The following PRLR variants were observed in gnomAD, a reference collection of about 807,000 sequenced individuals.
The protein encoded by PRLR is prolactin receptor.
Under a neutral mutation model 40.2 loss-of-function variants are expected in PRLR, and 13 were observed. The observed-to-expected ratio is 0.32, with a 90% confidence interval of 0.21 to 0.51. The LOEUF (loss-of-function observed/expected upper bound fraction) is 0.51, where lower values mean the gene tolerates loss of function less well. Ranked by LOEUF, PRLR falls within the 20% of genes least tolerant of loss-of-function variation. The pLI is 0.97. For synonymous variants in PRLR, 269 were observed against 278.7 expected, an observed-to-expected ratio of 0.97 and a Z score of 0.35; for missense variants, 656 against 747.3, an observed-to-expected ratio of 0.88 and a Z score of 1.42.
intron 1 of PRLR, among the ~76,000 whole-genome samples, chr5:35,223,734 T>C (rs1175602437): frequency 2.6e-5 from 4 of 152,362 alleles, no homozygotes; most frequent in African/African-American, 9.6e-5. Flanking sequence ...GTTCTTTACA[T>C]GCTACCGGTC....
intron 5 of PRLR, among the ~76,000 whole-genome samples, chr5:35,075,965 C>T (rs1364315350): frequency 6.6e-6 from 1 of 152,228 alleles, no homozygotes; most frequent in African/African-American, 2.4e-5. Context: ...AACAGACCTG[C>T]AGCTGAGGGT....
intron 1 of PRLR, among the ~76,000 whole-genome samples, chr5:35,196,946 A>G (rs1231763239): frequency 6.6e-6 from 1 of 152,112 alleles, no homozygotes; most frequent in East Asian, 1.9e-4. Flanking sequence ...TGGTGGAAAA[A>G]GGTGAGAGAG....
intron 1 of PRLR, among the ~76,000 whole-genome samples, chr5:35,150,501 T>C (rs1303887878): frequency 6.6e-6 from 1 of 152,226 alleles, no homozygotes; most frequent in Non-Finnish European, 1.5e-5. Flanking sequence ...GTCAGACTAA[T>C]TATGCATGAT....
rs1579542461 is a variant in PRLR, at chr5:35,057,422, A to G, written c.*7667T>C. Reference sequence around the variant, plus strand: ...GCAAGAGTAGGTAAGGGAATTAAACATTTATTAAGCCAGGCACTGAGCTGG... The same window carrying G: ...GCAAGAGTAGGTAAGGGAATTAAACGTTTATTAAGCCAGGCACTGAGCTGG... On this transcript the variant is annotated 3_prime_UTR_variant, in exon 10 of 10. Transcript: ENST00000618457. The G allele has an allele frequency of 1.3e-5, 2 of 152,314 alleles. No homozygotes were observed. Among genetic ancestry groups the G allele is most frequent in the African/African-American group, 4.8e-5 (2 of 41,576 alleles). 9.4% of individuals were successfully genotyped at this position (152,314 alleles called of 1,614,324 possible). A position where few individuals can be genotyped will look rare whatever the true frequency, so the allele number is the denominator to read the frequency against.
intron 3 of PRLR, 91 bp downstream of exon 3, chr5:35,089,460 A>C: frequency 1.2e-6 from 1 of 866,598 alleles, no homozygotes; most frequent in South Asian, 1.5e-5. Context: ...TTCATTTTTC[A>C]TAATGGCATT....
At chr5:35,090,873 C>T (rs71615844) in intron 2 of PRLR, among the ~76,000 whole-genome samples, 8,334 of 136,876 alleles carry the variant, frequency 0.061, 307 homozygotes, top group Non-Finnish European at 0.089. Context: ...TGCAGTGGCG[C>T]GATCTGGGCT....
intron 1 of PRLR, among the ~76,000 whole-genome samples, chr5:35,128,048 C>T (rs1021953228): frequency 6.6e-6 from 1 of 151,968 alleles, no homozygotes; most frequent in Non-Finnish European, 1.5e-5. Context: ...GAGGTTAGGT[C>T]CAGATAAACT....
At chr5:35,140,882 C>T (rs184610733) in intron 1 of PRLR, among the ~76,000 whole-genome samples, 37 of 152,284 alleles carry the variant, frequency 2.4e-4, no homozygotes, top group Admixed American at 8.5e-4. Flanking sequence ...GTACAACCCT[C>T]ATTTTGCTTA....
Position 35,194,734 on chromosome 5 carries a change from A to T in PRLR, c.-106+35534T>A, listed in dbSNP as rs765437256. On this transcript the variant is annotated intron_variant, in intron 1 of 9. Coordinates refer to ENST00000618457, the MANE Select transcript of PRLR (RefSeq NM_000949.7). Reference sequence around the variant, plus strand: ...TCAGAAAAGACACAAGTATAGAGACAGTAAAAAGATCAGCAGTTGTCAGAG... The same window carrying T: ...TCAGAAAAGACACAAGTATAGAGACTGTAAAAAGATCAGCAGTTGTCAGAG... 9.8e-4 allele frequency among the ~76,000 whole-genome samples: 150 copies of T among 152,350 alleles called. 1 individual carries two copies. Among genetic ancestry groups the T allele is most frequent in the South Asian group, 1.0e-3 (5 of 4,822 alleles).
At chr5:35,078,021 A>T (rs1262766262) in intron 5 of PRLR, among the ~76,000 whole-genome samples, 1 of 152,226 alleles carries the variant, frequency 6.6e-6, no homozygotes, top group Non-Finnish European at 1.5e-5. Flanking sequence ...ACAAAGACAC[A>T]ACATACCAGA....
chr5:35,143,945 G>T (rs575425812), intron 1 of PRLR, among the ~76,000 whole-genome samples: 1 of 151,282 alleles, frequency 6.6e-6, no homozygotes, highest in Non-Finnish European at 1.5e-5. Flanking sequence ...TCATGGGCCC[G>T]ATCATAATTT....
At chr5:35,086,073 C>A in intron 4 of PRLR, 135 bp downstream of exon 4, 1 of 1,071,116 alleles carries the variant, frequency 9.3e-7, no homozygotes, top group Non-Finnish European at 1.4e-6. Context: ...GGACCTTAGA[C>A]TCCCCTTTCC....
At chr5:35,067,578 C>T (rs1169743061) in intron 9 of PRLR, among the ~76,000 whole-genome samples, 1 of 152,136 alleles carries the variant, frequency 6.6e-6, no homozygotes, top group African/African-American at 2.4e-5. Context: ...CAGCTAGTTG[C>T]TTTTATATAT....
downstream of PRLR, among the ~76,000 whole-genome samples, chr5:35,053,455 C>G (rs1768575711): frequency 6.6e-6 from 1 of 152,098 alleles, no homozygotes; most frequent in South Asian, 2.1e-4. Context: ...GAATTTGAGA[C>G]CAACCTGCAC....
intron 1 of PRLR, among the ~76,000 whole-genome samples, chr5:35,176,523 C>A (rs545642137): frequency 1.7e-4 from 26 of 152,296 alleles, no homozygotes; most frequent in African/African-American, 6.0e-4. Context: ...TACCCCCAAC[C>A]CCGTGCTCTC....
intron 2 of PRLR, among the ~76,000 whole-genome samples, chr5:35,092,223 C>T (rs935433958): frequency 2.6e-5 from 4 of 152,120 alleles, no homozygotes; most frequent in Non-Finnish European, 5.9e-5. Context: ...GAGACACATC[C>T]TGGAATCTAG....
intron 1 of PRLR, among the ~76,000 whole-genome samples, chr5:35,122,632 A>G (rs1338668130): frequency 6.6e-6 from 1 of 152,246 alleles, no homozygotes; most frequent in African/African-American, 2.4e-5. Flanking sequence ...AAATTGTCAG[A>G]TAAACTCAGA....
At chr5:35,133,318 A>T (rs942325024) in intron 1 of PRLR, among the ~76,000 whole-genome samples, 2 of 151,814 alleles carry the variant, frequency 1.3e-5, no homozygotes, top group Admixed American at 6.6e-5. Flanking sequence ...ATCTCCTCTC[A>T]TGTATACCTA....
downstream of PRLR, among the ~76,000 whole-genome samples, chr5:35,054,918 G>A (rs185362510): frequency 6.6e-6 from 1 of 152,296 alleles, no homozygotes; most frequent in East Asian, 1.9e-4. Context: ...GCTGAAGAGA[G>A]AGGTAGAGAA....
Sources: allele counts gnomAD v4.1 joint callset (sites outside exome capture counted in the v4.1 genomes callset), GRCh38; gene constraint gnomAD v4.1.1; transcripts MANE v1.5; gene names NCBI Gene and HGNC (gene_info 2026-07-23, HGNC 2026-07-21).